VWA3B: variants seen among roughly 807,000 people sequenced by gnomAD.
VWA3B encodes the protein von Willebrand factor A domain containing 3B, also known as von Willebrand factor A domain-containing protein 3B.
VWA3B carries 138 observed loss-of-function variants against 158.3 expected under a neutral mutation model. The observed-to-expected ratio is 0.87, with a 90% confidence interval of 0.76 to 1.00. The LOEUF (loss-of-function observed/expected upper bound fraction) is 1.00. Ranked by LOEUF, VWA3B falls within the 50% of genes least tolerant of loss-of-function variation. The pLI, the probability that VWA3B is intolerant of heterozygous loss-of-function variation, is 0.00. For missense variants in VWA3B, 1,555 were observed against 1,565.1 expected (o/e 0.99, Z 0.11); for synonymous variants, 596 against 587.3 (o/e 1.01, Z -0.21).
At chr2:98,148,459 A>T (rs1573908386) in intron 7 of VWA3B, among the ~76,000 whole-genome samples, 1 of 152,136 alleles carries the variant, frequency 6.6e-6, no homozygotes, top group South Asian at 2.1e-4. Flanking sequence ...TGTATTACAT[A>T]TGGATAATTT....
intron 19 of VWA3B, among the ~76,000 whole-genome samples, chr2:98,249,962 A>G (rs963807639): frequency 2.0e-5 from 3 of 152,178 alleles, no homozygotes; most frequent in Non-Finnish European, 2.9e-5. Flanking sequence ...AATGAGATCT[A>G]TTTCTTATTG....
At chr2:98,148,576 T>C (rs1677358402) in intron 7 of VWA3B, among the ~76,000 whole-genome samples, 1 of 152,240 alleles carries the variant, frequency 6.6e-6, no homozygotes, top group African/African-American at 2.4e-5. Context: ...CGTAACTGTA[T>C]TTCTTCTCCT....
chr2:98,296,672 G>A (rs569119674), intron 23 of VWA3B, among the ~76,000 whole-genome samples: 4 of 152,280 alleles, frequency 2.6e-5, no homozygotes, highest in South Asian at 2.1e-4. Context: ...GGAGCCCAGC[G>A]GGACGCGTGT....
chr2:98,266,572 A>G (rs1186689464), intron 21 of VWA3B, among the ~76,000 whole-genome samples: 7 of 143,416 alleles, frequency 4.9e-5, no homozygotes, highest in Non-Finnish European at 9.2e-5. Flanking sequence ...GTTTTTTCCA[A>G]TTCTGTGAAG....
chr2:98,100,613 C>A (rs1192886115), intron 2 of VWA3B, among the ~76,000 whole-genome samples: 2 of 152,198 alleles, frequency 1.3e-5, no homozygotes, highest in Non-Finnish European at 2.9e-5. Context: ...TCCTGTTTGG[C>A]ACCAGGATAG....
intron 8 of VWA3B, among the ~76,000 whole-genome samples, chr2:98,164,950 C>T (rs1678939253): frequency 6.6e-6 from 1 of 152,226 alleles, no homozygotes; most frequent in African/African-American, 2.4e-5. Context: ...CTGAGTTTGT[C>T]TCTTTTAGCC....
chr2:98,152,410 A>G (rs1677712212), intron 7 of VWA3B, among the ~76,000 whole-genome samples: 1 of 152,178 alleles, frequency 6.6e-6, no homozygotes, highest in African/African-American at 2.4e-5. Context: ...AAAGCTCTCC[A>G]GGGACTGTGT....
At chr2:98,322,622 T>C in the VWA3B span, among the ~76,000 whole-genome samples, 1 of 152,222 alleles carries the variant, frequency 6.6e-6, no homozygotes, top group Non-Finnish European at 1.5e-5. Context: ...TGCTGCTTTT[T>C]AACTGAAATG....
intron 20 of VWA3B, among the ~76,000 whole-genome samples, chr2:98,253,027 A>G (rs1383618963): frequency 1.3e-5 from 2 of 152,188 alleles, no homozygotes; most frequent in Non-Finnish European, 2.9e-5. Context: ...TGATGTTTGT[A>G]TCAAGTAAAT....
intron 19 of VWA3B, among the ~76,000 whole-genome samples, chr2:98,250,045 T>C (rs1198076613): frequency 6.6e-6 from 1 of 152,172 alleles, no homozygotes; most frequent in African/African-American, 2.4e-5. Flanking sequence ...TGAAACAGTT[T>C]TGGCGGTGGT....
intron 9 of VWA3B, among the ~76,000 whole-genome samples, chr2:98,186,959 A>C (rs1681122270): frequency 1.4e-5 from 2 of 147,428 alleles, no homozygotes; most frequent in East Asian, 2.0e-4. Context: ...GGCTTCTCTC[A>C]CTCTCTCTTC....
rs763830139 is a variant in VWA3B, at chr2:98,250,409, T to C, written c.2765T>C (p.Val922Ala). The C allele has an allele frequency of 9.3e-6, 15 of 1,612,130 alleles. No individual in the cohort carries two copies. Among genetic ancestry groups the C allele is most frequent in the Non-Finnish European group, 1.2e-5 (14 of 1,179,346 alleles). ...GAKLNIYKRK[V>A]EQAIQSYEKR... ...AAACTCAATATCTACAAGCGAAAAG[T>C]GGAACAGGCAATTCAATCCTATGAA... Residue 922 changes from valine to alanine, a missense_variant, in exon 20 of 28, where the codon GTG becomes GCG. Physicochemically the swap from Val to Ala is moderately conservative, Grantham distance 64. Transcript: ENST00000477737.
At chr2:98,130,165 A>G (rs1303444615) in intron 6 of VWA3B, among the ~76,000 whole-genome samples, 2 of 152,162 alleles carry the variant, frequency 1.3e-5, no homozygotes, top group Non-Finnish European at 2.9e-5. Flanking sequence ...GATAAAGAAA[A>G]AAGTGCTGCG....
intron 10 of VWA3B, among the ~76,000 whole-genome samples, chr2:98,192,032 C>G (rs1436246274): frequency 6.6e-6 from 1 of 152,180 alleles, no homozygotes; most frequent in Non-Finnish European, 1.5e-5. Flanking sequence ...ACACAGCCAC[C>G]AGGGCCTTGG....
downstream of VWA3B, among the ~76,000 whole-genome samples, chr2:98,317,674 T>A (rs1013885204): frequency 6.6e-6 from 1 of 152,196 alleles, no homozygotes; most frequent in Non-Finnish European, 1.5e-5. Flanking sequence ...CACTTTGAAT[T>A]GTCCTGCCTT....
At chr2:98,235,228 C>T (rs1351594724) in intron 17 of VWA3B, among the ~76,000 whole-genome samples, 1 of 151,984 alleles carries the variant, frequency 6.6e-6, no homozygotes, top group African/African-American at 2.4e-5. Flanking sequence ...AGTTTTGAAA[C>T]GTTTGATGCC....
rs77571485 is a variant in VWA3B, at chr2:98,174,434, C to T, written c.1115-6582C>T. ...ACCTGTTCACTGGCTCTCTGGAAGA[C>T]CCCAGTTACAAAGCTTTCTTTATTT... On this transcript the variant is annotated intron_variant, in intron 8 of 27. Transcript: ENST00000477737. Among the ~76,000 whole-genome samples the T allele has an allele frequency of 1.6e-4, 24 of 152,306 alleles. 1 individual carries two copies. The East Asian group carries it at 4.6e-3, about 29-fold the overall frequency.
In VWA3B at chr2:98,250,387, C is replaced by G; in HGVS notation, c.2743C>G (p.Leu915Val). 6.2e-7 allele frequency: 1 copy of G among 1,613,222 alleles called. No individual in the cohort carries two copies. Among genetic ancestry groups the G allele is most frequent in the Non-Finnish European group, 8.5e-7 (1 of 1,179,736 alleles). Residue 915 changes from leucine (L) to valine (V), a missense_variant, in exon 20 of 28, where the codon CTC becomes GTC. Leu to Val is a conservative substitution (Grantham distance 32). Transcript: ENST00000477737. ...ATTAATTAACCCCCAAGGAGCCAAA[C>G]TCAATATCTACAAGCGAAAAGTGGA... is the stretch of plus-strand genomic sequence containing the variant. ...MTLINPQGAK[L>V]NIYKRKVEQA...
At chr2:98,330,584 T>G in the VWA3B span, among the ~76,000 whole-genome samples, 1 of 152,190 alleles carries the variant, frequency 6.6e-6, no homozygotes, top group African/African-American at 2.4e-5. Flanking sequence ...GTATTCATAT[T>G]TGTATTGTTC....
Sources: allele counts gnomAD v4.1 joint callset (sites outside exome capture counted in the v4.1 genomes callset), GRCh38; gene constraint gnomAD v4.1.1; transcripts MANE v1.5; gene names NCBI Gene and HGNC (gene_info 2026-07-23, HGNC 2026-07-21).